Variants in UPRT observed in about 807,000 individuals in gnomAD.
UPRT encodes RP11-311P8.3.
UPRT carries 5 observed loss-of-function variants against 22.6 expected under a neutral mutation model. The observed-to-expected ratio is 0.22, with a 90% CI of 0.12 to 0.47. The LOEUF (loss-of-function observed/expected upper bound fraction) is 0.47. UPRT is among the 20% of genes least tolerant of loss of function. The pLI, the probability that UPRT is intolerant of heterozygous loss-of-function variation, is 0.99. For missense variants in UPRT, 181 were observed against 239.9 expected (o/e 0.75, Z 1.62); for synonymous variants, 77 against 87.7 (o/e 0.88, Z 0.68).
At chrX:75,219,383 G>GT (rs942923939) in intron 4 of UPRT, among the ~76,000 whole-genome samples, 2 of 112,048 alleles carry the variant, frequency 1.8e-5, no homozygotes, top group Middle Eastern at 4.6e-3. Context: ...AAAACAGAAG[G>GT]TTTTTTCTGC....
At chrX:75,191,416 C>T (rs1053223960) in intron 4 of UPRT, among the ~76,000 whole-genome samples, 2 of 111,750 alleles carry the variant, frequency 1.8e-5, no homozygotes, top group East Asian at 2.9e-4. Flanking sequence ...TTAGGCTACT[C>T]GGGGGTGAGG....
At chrX:75,188,157 A>G (rs1205758137) in intron 4 of UPRT, among the ~76,000 whole-genome samples, 1 of 111,271 alleles carries the variant, frequency 9.0e-6, no homozygotes, top group Admixed American at 9.5e-5. Context: ...TGTGGTTTTT[A>G]TCTACTTCTG....
chrX:75,180,111 G>A (rs967870754), intron 4 of UPRT, among the ~76,000 whole-genome samples: 2 of 112,593 alleles, frequency 1.8e-5, no homozygotes, highest in African/African-American at 6.4e-5. Context: ...TGTTGAATCT[G>A]CACACCAGAA....
chrX:75,292,618 T>C (rs1383804103), intron 1 of UPRT, among the ~76,000 whole-genome samples: 9 of 111,791 alleles, frequency 8.1e-5, no homozygotes, highest in African/African-American at 2.9e-4. Flanking sequence ...GAGAATACTT[T>C]AGGTGGTCCA....
chrX:75,299,628 C>G, intron 4 of UPRT, 107 bp from the exon 5 acceptor site: 3 of 786,230 alleles, frequency 3.8e-6, no homozygotes, highest in Non-Finnish European at 3.4e-6. Flanking sequence ...TTATTTTCAT[C>G]TTCCTTCCTT....
intron 4 of UPRT, among the ~76,000 whole-genome samples, chrX:75,204,075 A>G (rs1234567754): frequency 2.7e-5 from 3 of 109,474 alleles, no homozygotes; most frequent in South Asian, 4.2e-4. Context: ...GATGGTATCA[A>G]TGTGTTTCTG....
At chrX:75,198,687 CATATGCACATATGTTCTATCAT>C (rs1430334704) in intron 4 of UPRT, among the ~76,000 whole-genome samples, 1 of 111,333 alleles carries the variant, frequency 9.0e-6, no homozygotes, top group African/African-American at 3.3e-5. Context: ...AAATGCAGAA[CATATGCACATATGTTCTATCAT>C]ATATGCAGAT....
chrX:75,303,535 T>C lies in UPRT; in HGVS notation c.*24T>C. The C allele has an allele frequency of 1.9e-6, 2 of 1,043,305 alleles. No homozygotes were observed. The highest frequency in any genetic ancestry group is 2.6e-6 in the Non-Finnish European group (2 of 762,711). The allele number at this position is 1,043,305 out of a possible 1,213,427, so 86.0% of individuals were successfully genotyped here. On this transcript the variant is annotated 3_prime_UTR_variant, in exon 7 of 7. Transcript: ENST00000373383. ...AAGTTATTTAAGTAAAATAATTATC[T>C]TATGTAATATTACAATCATGTTTTG...
At chrX:75,231,014 A>C (rs1259714121) in intron 4 of UPRT, among the ~76,000 whole-genome samples, 1 of 97,963 alleles carries the variant, frequency 1.0e-5, no homozygotes, top group African/African-American at 3.7e-5. Flanking sequence ...AAACCAGACA[A>C]GTAATTCTGG....
chrX:75,275,957 G>C (rs753546303), intron 1 of UPRT, among the ~76,000 whole-genome samples: 5 of 111,387 alleles, frequency 4.5e-5, no homozygotes, highest in Non-Finnish European at 9.4e-5. Flanking sequence ...AGCAATCCTC[G>C]TGCCTCGGCC....
At chrX:75,158,077 AC>A (rs2082188263) in intron 1 of UPRT, among the ~76,000 whole-genome samples, 1 of 112,345 alleles carries the variant, frequency 8.9e-6, no homozygotes, top group South Asian at 3.7e-4. Context: ...TTGTAAGCCA[AC>A]TGTTTTGATC....
intron 4 of UPRT, among the ~76,000 whole-genome samples, chrX:75,236,947 T>C (rs2082468079): frequency 8.9e-6 from 1 of 112,039 alleles, no homozygotes; most frequent in Non-Finnish European, 1.9e-5. Flanking sequence ...AGTTGACAAA[T>C]GGGATCTAAT....
At chrX:75,266,425 A>G (rs750346065) in intron 4 of UPRT, among the ~76,000 whole-genome samples, 6 of 111,973 alleles carry the variant, frequency 5.4e-5, no homozygotes, top group African/African-American at 1.3e-4. Context: ...CTTACACCTT[A>G]TAATAAAATT....
At chrX:75,205,348 C>T (rs1469687943) in intron 4 of UPRT, among the ~76,000 whole-genome samples, 18 of 90,868 alleles carry the variant, frequency 2.0e-4, no homozygotes, top group Non-Finnish European at 3.5e-4. Context: ...CTGCAGTCCG[C>T]AGTCCGGCCT....
intron 4 of UPRT, among the ~76,000 whole-genome samples, chrX:75,198,764 A>G (rs1210535994): frequency 9.0e-6 from 1 of 111,560 alleles, no homozygotes; most frequent in Non-Finnish European, 1.9e-5. Flanking sequence ...TCACTGAAAG[A>G]GGAACTGAAG....
intron 4 of UPRT, among the ~76,000 whole-genome samples, chrX:75,188,427 G>T (rs2082302659): frequency 8.9e-6 from 1 of 112,210 alleles, no homozygotes; most frequent in Non-Finnish European, 1.9e-5. Context: ...TCTCTTCAAA[G>T]CTGTCAGACA....
At chrX:75,192,006 G>A (rs146110848) in intron 4 of UPRT, among the ~76,000 whole-genome samples, 1,467 of 111,276 alleles carry the variant, frequency 0.013, 17 homozygotes, top group African/African-American at 0.045. Flanking sequence ...AGATGAACCT[G>A]GTACCTCCGT....
At chrX:75,233,157 G>T (rs1043436774) in intron 4 of UPRT, among the ~76,000 whole-genome samples, 1 of 111,454 alleles carries the variant, frequency 9.0e-6, no homozygotes, top group Admixed American at 9.6e-5. Context: ...CCCAGGAGCC[G>T]ATGCGATCAA....
chrX:75,233,554 CA>C (rs2082447768), intron 4 of UPRT, among the ~76,000 whole-genome samples: 1 of 110,324 alleles, frequency 9.1e-6, no homozygotes, highest in Admixed American at 9.6e-5. Flanking sequence ...GGGTTACCCT[CA>C]AAGGGAAGAC....
Sources: gnomAD v4.1 joint callset for allele counts (sites outside exome capture counted in the v4.1 genomes callset) on GRCh38, gnomAD v4.1.1 for gene constraint, MANE v1.5 for transcripts, NCBI Gene and HGNC (gene_info 2026-07-23, HGNC 2026-07-21) for gene names.